Variants in SHISA9 observed in about 807,000 individuals in gnomAD.
SHISA9 encodes the protein protein shisa-9.
A neutral mutation model predicts 38.0 loss-of-function variants in SHISA9; 13 were observed. The ratio of observed to expected loss-of-function variants is 0.34; its 90% CI spans 0.22 to 0.54. The LOEUF (loss-of-function observed/expected upper bound fraction) is 0.54. Among genes scored for constraint, SHISA9 ranks in the 20% least tolerant of loss-of-function variants. The probability of loss-of-function intolerance (pLI) is 0.91; values close to 1 mark genes in which losing one functional copy is unlikely to be tolerated. For missense variants in SHISA9, 538 were observed against 575.8 expected (o/e 0.93, Z 0.67); for synonymous variants, 275 against 242.0 (o/e 1.14, Z -1.27).
the SHISA9 span, among the ~76,000 whole-genome samples, chr16:13,360,172 A>C: frequency 6.6e-6 from 1 of 152,334 alleles, no homozygotes; most frequent in East Asian, 1.9e-4. Flanking sequence ...AGAGAACTAC[A>C]AGTGAGAAAG....
At chr16:13,192,904 G>A (rs1003110559) in intron 2 of SHISA9, among the ~76,000 whole-genome samples, 1 of 151,050 alleles carries the variant, frequency 6.6e-6, no homozygotes, top group Non-Finnish European at 1.5e-5. Context: ...GAAAGAAGGA[G>A]GAGGAGGAGA....
intron 2 of SHISA9, among the ~76,000 whole-genome samples, chr16:13,066,569 G>A (rs2073437311): frequency 6.6e-6 from 1 of 152,162 alleles, no homozygotes; most frequent in Non-Finnish European, 1.5e-5. Context: ...ATTGATAATG[G>A]GGTTAATGCG....
intron 2 of SHISA9, among the ~76,000 whole-genome samples, chr16:13,020,694 C>T (rs535295512): frequency 3.3e-5 from 5 of 152,298 alleles, no homozygotes; most frequent in Admixed American, 1.3e-4. Flanking sequence ...AGAAGGACCT[C>T]GTCTCTGCGT....
chr16:13,270,554 G>A, the SHISA9 span, among the ~76,000 whole-genome samples: 1 of 152,220 alleles, frequency 6.6e-6, no homozygotes, highest in African/African-American at 2.4e-5. Context: ...CTGCAGAGAA[G>A]TGAAGTGGAG....
chr16:13,057,607 G>A (rs1255956356), intron 2 of SHISA9, among the ~76,000 whole-genome samples: 1 of 152,122 alleles, frequency 6.6e-6, no homozygotes, highest in Non-Finnish European at 1.5e-5. Flanking sequence ...GCATACCATA[G>A]TTTGAGAACT....
chr16:13,097,696 G>T (rs2073841504), intron 2 of SHISA9, among the ~76,000 whole-genome samples: 1 of 152,180 alleles, frequency 6.6e-6, no homozygotes, highest in Admixed American at 6.5e-5. Context: ...GAGTCACCAT[G>T]CCTGGCCTGA....
chr16:12,905,708 C>T lies in SHISA9; in HGVS notation c.563+3081C>T, dbSNP rs575499267. On this transcript the variant is annotated intron_variant, in intron 1 of 4. Transcript: ENST00000558583. Reference sequence around the variant, plus strand: ...CCAGGTTCAAGTGATTCTCCTGCCTCAGCCTCCTGACTGGCTGGGACTACA... The same window carrying T: ...CCAGGTTCAAGTGATTCTCCTGCCTTAGCCTCCTGACTGGCTGGGACTACA... 2.0e-3 allele frequency among the ~76,000 whole-genome samples: 298 copies of T among 152,158 alleles called. 6 individuals are homozygous for T. The highest frequency in any genetic ancestry group is 6.5e-4 in the Non-Finnish European group (44 of 68,010).
At chr16:13,128,581 A>T (rs2050280708) in intron 2 of SHISA9, among the ~76,000 whole-genome samples, 1 of 152,166 alleles carries the variant, frequency 6.6e-6, no homozygotes, top group Non-Finnish European at 1.5e-5. Context: ...TAACACTCTT[A>T]CCACAGTGCC....
chr16:13,129,774 G>T (rs1410982259), intron 2 of SHISA9, among the ~76,000 whole-genome samples: 1 of 152,082 alleles, frequency 6.6e-6, no homozygotes, highest in East Asian at 1.9e-4. Flanking sequence ...CTGACCTCTA[G>T]ACCTGCCTTT....
At chr16:13,307,795 T>A in the SHISA9 span, among the ~76,000 whole-genome samples, 1 of 152,208 alleles carries the variant, frequency 6.6e-6, no homozygotes, top group Non-Finnish European at 1.5e-5. Context: ...TGAAGGTAAC[T>A]TTTAAACTTT....
the SHISA9 span, among the ~76,000 whole-genome samples, chr16:13,323,483 A>G: frequency 6.6e-6 from 1 of 152,178 alleles, no homozygotes; most frequent in Non-Finnish European, 1.5e-5. Flanking sequence ...TATAGTTTGG[A>G]TGTTTGGCTG....
intron 2 of SHISA9, among the ~76,000 whole-genome samples, chr16:13,100,411 C>T (rs933938407): frequency 6.6e-6 from 1 of 152,080 alleles, no homozygotes; most frequent in Admixed American, 6.5e-5. Context: ...AGATATGCAC[C>T]AGAACACACA....
At chr16:13,444,982 CTATATA>C in the SHISA9 span, among the ~76,000 whole-genome samples, 1,340 of 105,896 alleles carry the variant, frequency 0.013, 13 homozygotes, top group Middle Eastern at 0.021. Flanking sequence ...CCATGCCTAG[CTATATA>C]TATATATATA....
chr16:13,381,339 A>G, the SHISA9 span, among the ~76,000 whole-genome samples: 1 of 152,194 alleles, frequency 6.6e-6, no homozygotes, highest in Admixed American at 6.5e-5. Flanking sequence ...CTGTGGGAAA[A>G]AGTGTTAAAA....
the SHISA9 span, among the ~76,000 whole-genome samples, chr16:13,560,959 G>A: frequency 2.0e-5 from 3 of 152,076 alleles, no homozygotes; most frequent in African/African-American, 7.2e-5. Flanking sequence ...CACCTCCAGG[G>A]TTCAAGCGAT....
At chr16:13,041,928 C>A (rs1009142105) in intron 2 of SHISA9, among the ~76,000 whole-genome samples, 4 of 152,218 alleles carry the variant, frequency 2.6e-5, no homozygotes, top group African/African-American at 9.6e-5. Context: ...ATCGAATCAT[C>A]AAAGTCTTGG....
At chr16:13,225,964 T>A (rs2051275236) in intron 4 of SHISA9, among the ~76,000 whole-genome samples, 1 of 152,226 alleles carries the variant, frequency 6.6e-6, no homozygotes, top group South Asian at 2.1e-4. Context: ...CCAGTGTTGT[T>A]GAAAGGCTCA....
the SHISA9 span, among the ~76,000 whole-genome samples, chr16:13,410,379 C>T: frequency 6.6e-6 from 1 of 152,156 alleles, no homozygotes; most frequent in Non-Finnish European, 1.5e-5. Context: ...TATTTAGTCA[C>T]CATCACCAAG....
intron 2 of SHISA9, among the ~76,000 whole-genome samples, chr16:12,994,199 G>T (rs1370873283): frequency 6.6e-6 from 1 of 152,156 alleles, no homozygotes; most frequent in Admixed American, 6.5e-5. Context: ...GGGAGCCAGG[G>T]ATAGTCGTTG....
Sources: allele counts gnomAD v4.1 joint callset (sites outside exome capture counted in the v4.1 genomes callset), GRCh38; gene constraint gnomAD v4.1.1; transcripts MANE v1.5; gene names NCBI Gene and HGNC (gene_info 2026-07-23, HGNC 2026-07-21).